THSD7B: variants seen among roughly 807,000 people sequenced by gnomAD.
THSD7B encodes thrombospondin type 1 domain containing 7B.
THSD7B carries 138 observed loss-of-function variants against 213.6 expected under a neutral mutation model. The observed-to-expected ratio is 0.65, with a 90% CI of 0.56 to 0.74. THSD7B has a LOEUF of 0.74. Among genes scored for constraint, THSD7B ranks in the 30% least tolerant of loss-of-function variants. The pLI is 0.00. For missense variants in THSD7B, 1,931 were observed against 1,991.5 expected, an observed-to-expected ratio of 0.97 and a Z score of 0.58; for synonymous variants, 742 against 687.0, an observed-to-expected ratio of 1.08 and a Z score of -1.25.
chr2:137,328,525 T>C (rs1689710194), intron 12 of THSD7B, among the ~76,000 whole-genome samples: 1 of 152,140 alleles, frequency 6.6e-6, no homozygotes, highest in Non-Finnish European at 1.5e-5. Context: ...CATAGCAGAA[T>C]GTATAATAGT....
intron 7 of THSD7B, among the ~76,000 whole-genome samples, chr2:137,197,941 C>T (rs1241746921): frequency 6.6e-6 from 1 of 152,194 alleles, no homozygotes; most frequent in Non-Finnish European, 1.5e-5. Flanking sequence ...ATTCCGCACA[C>T]ACTCATGCAC....
At chr2:137,267,915 T>G (rs1030730048) in intron 10 of THSD7B, among the ~76,000 whole-genome samples, 7 of 152,216 alleles carry the variant, frequency 4.6e-5, no homozygotes, top group African/African-American at 1.7e-4. Context: ...AAAGGAGGTG[T>G]TGTTTGACAT....
chr2:137,143,247 A>G lies in THSD7B; in HGVS notation c.1370-16966A>G, dbSNP rs146306439. Among the ~76,000 whole-genome samples the G allele has an allele frequency of 3.0e-3, 458 of 152,246 alleles. 3 individuals carry two copies. The highest frequency in any genetic ancestry group is 0.022 in the Admixed American group (343 of 15,276). On this transcript the variant is annotated intron_variant, in intron 5 of 27. Coordinates refer to ENST00000409968, the MANE Select transcript of THSD7B (RefSeq NM_001316349.2). ...TTGGTACTATACACATGAATGCTGA[A>G]TTACATACCTGTTTTAATATAGTCC...
chr2:137,071,741 G>T (rs1391603480), intron 3 of THSD7B, among the ~76,000 whole-genome samples: 1 of 152,120 alleles, frequency 6.6e-6, no homozygotes, highest in Non-Finnish European at 1.5e-5. Context: ...ATGGTTTTAG[G>T]TCTAACATTT....
chr2:137,263,609 T>A (rs1171540541), intron 10 of THSD7B, among the ~76,000 whole-genome samples: 1 of 152,182 alleles, frequency 6.6e-6, no homozygotes, highest in East Asian at 1.9e-4. Context: ...TATATGGATA[T>A]CCTGAAGCTT....
chr2:137,507,938 T>C (rs1479091014), intron 15 of THSD7B, among the ~76,000 whole-genome samples: 6 of 152,226 alleles, frequency 3.9e-5, no homozygotes, highest in African/African-American at 1.4e-4. Flanking sequence ...TTCTGTCTCC[T>C]CTAAGTGGCT....
intron 15 of THSD7B, among the ~76,000 whole-genome samples, chr2:137,480,198 G>T (rs1211582486): frequency 6.6e-6 from 1 of 151,846 alleles, no homozygotes; most frequent in Non-Finnish European, 1.5e-5. Context: ...ACTCTTCTTT[G>T]TAGAGAGGTG....
chr2:137,557,762 C>T (rs1333583072), intron 15 of THSD7B, among the ~76,000 whole-genome samples: 1 of 152,036 alleles, frequency 6.6e-6, no homozygotes, highest in Non-Finnish European at 1.5e-5. Flanking sequence ...TTCAAAAAAA[C>T]AATGAATCCA....
intron 15 of THSD7B, among the ~76,000 whole-genome samples, chr2:137,545,341 G>A (rs995489280): frequency 2.0e-5 from 3 of 151,740 alleles, no homozygotes; most frequent in African/African-American, 4.8e-5. Flanking sequence ...CAAGAGTCCC[G>A]TAAGTGAGCT....
intron 14 of THSD7B, among the ~76,000 whole-genome samples, chr2:137,425,227 T>TTTTATTG (rs1040936895): frequency 6.6e-6 from 1 of 151,942 alleles, no homozygotes; most frequent in Non-Finnish European, 1.5e-5. Flanking sequence ...ATTTTTTATT[T>TTTTATTG]TTTCTTTGAG....
chr2:137,302,383 A>G (rs1157348498), intron 12 of THSD7B, among the ~76,000 whole-genome samples: 1 of 152,120 alleles, frequency 6.6e-6, no homozygotes, highest in Non-Finnish European at 1.5e-5. Context: ...TCCAGGAGGG[A>G]AAGAGAATGG....
chr2:136,908,014 A>C (rs1411291395), intron 2 of THSD7B, among the ~76,000 whole-genome samples: 1 of 152,234 alleles, frequency 6.6e-6, no homozygotes, highest in Non-Finnish European at 1.5e-5. Flanking sequence ...GGTATCTTAC[A>C]GTTCTCAAAA....
chr2:137,658,323 G>T (rs185226178), intron 24 of THSD7B, among the ~76,000 whole-genome samples: 22 of 152,254 alleles, frequency 1.4e-4, no homozygotes, highest in Middle Eastern at 3.4e-3. Context: ...GAGAGTTAAC[G>T]TACTGGTAGG....
chr2:137,145,292 G>C (rs1232795955), intron 5 of THSD7B, among the ~76,000 whole-genome samples: 1 of 151,998 alleles, frequency 6.6e-6, no homozygotes, highest in Non-Finnish European at 1.5e-5. Flanking sequence ...ATGGCCTGGT[G>C]GCCTGCAAGA....
intron 12 of THSD7B, among the ~76,000 whole-genome samples, chr2:137,354,161 A>G (rs184708059): frequency 2.9e-4 from 44 of 152,028 alleles, no homozygotes; most frequent in Admixed American, 2.7e-3. Flanking sequence ...GTGTTCATAT[A>G]TTTGTCTTTC....
intron 2 of THSD7B, among the ~76,000 whole-genome samples, chr2:136,983,742 A>G (rs1685626767): frequency 6.6e-6 from 1 of 152,228 alleles, no homozygotes; most frequent in Non-Finnish European, 1.5e-5. Context: ...TGGCAGAGAA[A>G]TGTGCCACGT....
intron 15 of THSD7B, among the ~76,000 whole-genome samples, chr2:137,531,614 G>T (rs572312940): frequency 6.6e-6 from 1 of 151,896 alleles, no homozygotes; most frequent in African/African-American, 2.4e-5. Flanking sequence ...TTAACCAAGG[G>T]CTCCCTTAGG....
intron 2 of THSD7B, among the ~76,000 whole-genome samples, chr2:136,917,002 G>A (rs1037890882): frequency 6.6e-6 from 1 of 152,172 alleles, no homozygotes; most frequent in Admixed American, 6.5e-5. Context: ...TAAAAAGAAA[G>A]GTTATAGAAA....
intron 3 of THSD7B, among the ~76,000 whole-genome samples, chr2:137,089,268 GTGTGTGTA>G (rs1446473563): frequency 2.0e-4 from 28 of 142,854 alleles, no homozygotes; most frequent in African/African-American, 6.8e-4. Context: ...GTGTGTGTGT[GTGTGTGTA>G]TATGTATATA....
Sources: gnomAD v4.1 joint callset for allele counts (sites outside exome capture counted in the v4.1 genomes callset) on GRCh38, gnomAD v4.1.1 for gene constraint, MANE v1.5 for transcripts, NCBI Gene and HGNC (gene_info 2026-07-23, HGNC 2026-07-21) for gene names.